TRDMT1: variants seen among roughly 807,000 people sequenced by gnomAD.
TRDMT1 encodes tRNA (cytosine(38)-C(5))-methyltransferase.
Under a neutral mutation model 51.2 loss-of-function variants are expected in TRDMT1, and 49 were observed. The observed-to-expected ratio is 0.96, with a 90% CI of 0.76 to 1.21. TRDMT1 has a LOEUF of 1.21. Ranked by LOEUF, TRDMT1 falls within the 50% of genes most tolerant of loss-of-function variation. TRDMT1 has a pLI of 0.00. For synonymous variants in TRDMT1, 187 were observed against 164.6 expected, an observed-to-expected ratio of 1.14 and a Z score of -1.04; for missense variants, 534 against 462.3, an observed-to-expected ratio of 1.16 and a Z score of -1.42.
intron 5 of TRDMT1, among the ~76,000 whole-genome samples, chr10:17,160,973 G>GC (rs11413941): frequency 0.14 from 20,865 of 152,154 alleles, 1,521 homozygotes; most frequent in Admixed American, 0.17. Flanking sequence ...TGATCAATCT[G>GC]CATGGGAACT....
At chr10:17,187,599 C>T (rs1193228715) in intron 1 of TRDMT1, among the ~76,000 whole-genome samples, 1 of 152,126 alleles carries the variant, frequency 6.6e-6, no homozygotes. Flanking sequence ...CCTCAAGGAG[C>T]TTACATTCTA....
intron 1 of TRDMT1, among the ~76,000 whole-genome samples, chr10:17,177,803 C>T (rs749791043): frequency 5.3e-5 from 8 of 151,464 alleles, no homozygotes; most frequent in East Asian, 1.9e-4. Flanking sequence ...TTTCTGGAAA[C>T]GCTGTAGGGA....
intron 1 of TRDMT1, among the ~76,000 whole-genome samples, chr10:17,193,681 C>G (rs187466791): frequency 3.9e-5 from 6 of 152,220 alleles, no homozygotes; most frequent in African/African-American, 1.4e-4. Flanking sequence ...AATGGAAAAA[C>G]ATCCCATGCT....
intron 6 of TRDMT1, among the ~76,000 whole-genome samples, chr10:17,159,769 A>T (rs997060796): frequency 4.6e-5 from 7 of 152,130 alleles, no homozygotes; most frequent in Non-Finnish European, 8.8e-5. Flanking sequence ...AGATGACAAG[A>T]AACTAACAAG....
rs1837573318 is a variant in TRDMT1 at position 17,140,292 on chromosome 10, G to A, written c.*8748C>T. On this transcript the variant is annotated 3_prime_UTR_variant, in exon 11 of 11. Transcript: ENST00000377799. Reference sequence around the variant, plus strand: ...GCTGGTCTTGAACTCCTGACCTCATGGTCCGTTCACTTCGACCTCCCAAAG... The same window carrying A: ...GCTGGTCTTGAACTCCTGACCTCATAGTCCGTTCACTTCGACCTCCCAAAG... 6.7e-6 allele frequency among the ~76,000 whole-genome samples: 1 copy of A among 149,856 alleles called. No individual in the cohort carries two copies. The highest frequency in any genetic ancestry group is 2.1e-4 in the South Asian group (1 of 4,692).
chr10:17,152,355 A>T (rs1838860284), intron 10 of TRDMT1, among the ~76,000 whole-genome samples: 1 of 152,204 alleles, frequency 6.6e-6, no homozygotes, highest in Non-Finnish European at 1.5e-5. Context: ...AATTACCAAG[A>T]GAGTAGTCAA....
chr10:17,192,230 G>C (rs1392950213), intron 1 of TRDMT1, among the ~76,000 whole-genome samples: 1 of 152,166 alleles, frequency 6.6e-6, no homozygotes, highest in Non-Finnish European at 1.5e-5. Flanking sequence ...ATGACTCCAA[G>C]GCTCAGGTGT....
At chr10:17,159,560 A>T (rs1476588160) in intron 6 of TRDMT1, among the ~76,000 whole-genome samples, 1 of 152,180 alleles carries the variant, frequency 6.6e-6, no homozygotes, top group Non-Finnish European at 1.5e-5. Context: ...TAAAAATTCA[A>T]ATATAGCTAT....
intron 2 of TRDMT1, among the ~76,000 whole-genome samples, chr10:17,173,965 A>AT (rs1298575231): frequency 1.3e-5 from 2 of 152,052 alleles, no homozygotes; most frequent in African/African-American, 4.8e-5. Flanking sequence ...AGGTTTTGCT[A>AT]TGTCAGCCAG....
At chr10:17,150,806 T>C in intron 10 of TRDMT1, 1 of 984,386 alleles carries the variant, frequency 1.0e-6, no homozygotes, top group Non-Finnish European at 1.2e-6. Context: ...GTTTCTATTC[T>C]AAAGATAATA....
rs1459911688 is a variant in TRDMT1 at position 17,150,856 on chromosome 10, C to T, written c.1076-1716G>A. 5.2e-5 allele frequency: 51 copies of T among 985,126 alleles called. 1 individual carries two copies. In the South Asian group the frequency reaches 1.8e-3, roughly 35 times the overall value. 61.0% of individuals were successfully genotyped at this position (985,126 alleles called of 1,614,324 possible). ...ATTATTTATCTAAAATTATTTACTT[C>T]AAAGTAGCCAGAGGTACAAATGTAC... On this transcript the variant is annotated intron_variant, in intron 10 of 10. Coordinates refer to ENST00000377799, the MANE Select transcript of TRDMT1 (RefSeq NM_004412.7).
chr10:17,150,417 C>G, intron 10 of TRDMT1: 2 of 985,294 alleles, frequency 2.0e-6, no homozygotes, highest in Non-Finnish European at 2.4e-6. Flanking sequence ...CCACAAATTG[C>G]CTTTCTCATA....
At chr10:17,149,247 C>A (rs746338251) in intron 10 of TRDMT1, 107 bp from the exon 11 acceptor site, 212 of 800,696 alleles carry the variant, frequency 2.6e-4, no homozygotes, top group South Asian at 4.0e-4. Context: ...ATAAGTAAAT[C>A]ACTAAGGTCT....
At chr10:17,157,890 G>T in intron 7 of TRDMT1, 106 bp from the exon 8 acceptor site, 1 of 818,738 alleles carries the variant, frequency 1.2e-6, no homozygotes, top group South Asian at 1.9e-5. Flanking sequence ...AGCCTTTATG[G>T]GGTTGCCATT....
intron 1 of TRDMT1, among the ~76,000 whole-genome samples, chr10:17,195,315 C>G (rs1845259874): frequency 6.6e-6 from 1 of 152,112 alleles, no homozygotes; most frequent in Non-Finnish European, 1.5e-5. Flanking sequence ...AACATGGATG[C>G]ATCTGGAGGC....
chr10:17,177,084 T>C (rs1479994020), intron 1 of TRDMT1, among the ~76,000 whole-genome samples: 1 of 151,874 alleles, frequency 6.6e-6, no homozygotes, highest in Non-Finnish European at 1.5e-5. Flanking sequence ...ACTTTATTCA[T>C]GATATTTCAG....
chr10:17,201,577 G>A lies in TRDMT1; in HGVS notation c.58C>T (p.Leu20=), dbSNP rs753668972. 3.5e-5 allele frequency: 55 copies of A among 1,549,480 alleles called. No homozygotes were observed. The highest frequency in any genetic ancestry group is 1.7e-4 in the Middle Eastern group (1 of 5,988). Residue 20 remains leucine (L), a synonymous_variant, in exon 1 of 11, where the codon CTG becomes TTG. Transcript: ENST00000377799. ...GTGCTAGATGGACTCTCACCTCTCA[G>A]CGCGTGGTGCATGCCGCCCACGCCG... ...YSGVGGMHHA[L]RESCIPAQVV... is the part of the protein sequence containing the mutation.
rs150512384 is a variant in TRDMT1 at position 17,174,569 on chromosome 10, T to C, written c.156A>G (p.Leu52=). Residue 52 remains leucine (L), a synonymous_variant, in exon 2 of 11, where the codon TTA becomes TTG. Transcript: ENST00000377799. ...VYKYNFPHTQ[L]LAKTIEGITL... is the part of the protein sequence containing the mutation. ...TACTCACTTCAATCGTCTTGGCAAG[T>C]AACTGTGTGTGAGGAAAATTATACT... is the stretch of plus-strand genomic sequence containing the variant. 2,342 of 1,612,512 alleles carry C rather than the reference T, an allele frequency of 1.5e-3. 55 individuals are homozygous for C. Among genetic ancestry groups the C allele is most frequent in the Non-Finnish European group, 2.4e-4 (286 of 1,178,744 alleles).
Position 17,143,213 on chromosome 10 carries a change from T to G in TRDMT1, c.*5827A>C. ...TATGTAGCTTCAATATTGATTCCAG[T>G]ATGGTTCCTACATTCACTCATTCAA... On this transcript the variant is annotated 3_prime_UTR_variant, in exon 11 of 11. Transcript: ENST00000377799. The G allele has an allele frequency of 1.0e-6, 1 of 985,452 alleles. No homozygotes were observed. The highest frequency in any genetic ancestry group is 1.2e-6 in the Non-Finnish European group (1 of 829,938). 61.0% of individuals were successfully genotyped at this position (985,452 alleles called of 1,614,324 possible). A position where few individuals can be genotyped will look rare whatever the true frequency, so the allele number is the denominator to read the frequency against.
Sources: allele counts gnomAD v4.1 joint callset (sites outside exome capture counted in the v4.1 genomes callset), GRCh38; gene constraint gnomAD v4.1.1; transcripts MANE v1.5; gene names NCBI Gene and HGNC (gene_info 2026-07-23, HGNC 2026-07-21).